The following ROBO2 variants were observed in gnomAD, a reference collection of about 807,000 sequenced individuals.
ROBO2 encodes the protein roundabout homolog 2.
ROBO2 carries 53 observed loss-of-function variants against 160.8 expected under a neutral mutation model. The ratio of observed to expected loss-of-function variants is 0.33; its 90% confidence interval spans 0.26 to 0.41. The LOEUF (loss-of-function observed/expected upper bound fraction) is 0.41, where lower values mean the gene tolerates loss of function less well. ROBO2 is among the 10% of genes least tolerant of loss of function. ROBO2 has a pLI of 1.00. For missense variants in ROBO2, 1,577 were observed against 1,722.4 expected (o/e 0.92, Z 1.49); for synonymous variants, 664 against 611.7 (o/e 1.09, Z -1.26).
intron 2 of ROBO2, among the ~76,000 whole-genome samples, chr3:75,986,003 C>T (rs927640703): frequency 2.6e-5 from 4 of 151,548 alleles, no homozygotes; most frequent in African/African-American, 4.8e-5. Flanking sequence ...TTGCTGTGAA[C>T]GTGTGTACAA....
intron 2 of ROBO2, among the ~76,000 whole-genome samples, chr3:76,428,842 A>T (rs901071271): frequency 1.3e-5 from 2 of 151,916 alleles, no homozygotes; most frequent in African/African-American, 4.8e-5. Context: ...ACCTTACTTA[A>T]CCCTTCTGAG....
intron 2 of ROBO2, among the ~76,000 whole-genome samples, chr3:76,260,432 A>G (rs1706671512): frequency 1.3e-5 from 2 of 152,150 alleles, no homozygotes; most frequent in Admixed American, 1.3e-4. Flanking sequence ...CAGAGGTCAA[A>G]TTTGAGGAAG....
intron 2 of ROBO2, among the ~76,000 whole-genome samples, chr3:76,316,862 G>A (rs4295175): frequency 0.76 from 115,058 of 152,096 alleles, 46,911 homozygotes; most frequent in Non-Finnish European, 0.92. Flanking sequence ...CAGTCCCTCC[G>A]TTCAGGGTCC....
At chr3:76,469,073 A>G (rs2078512393) in intron 2 of ROBO2, among the ~76,000 whole-genome samples, 1 of 151,980 alleles carries the variant, frequency 6.6e-6, no homozygotes, top group Admixed American at 6.6e-5. Flanking sequence ...TTACTTCTTT[A>G]TTAATGAATT....
intron 2 of ROBO2, among the ~76,000 whole-genome samples, chr3:76,560,625 A>G (rs899404153): frequency 2.0e-5 from 3 of 150,388 alleles, no homozygotes; most frequent in Non-Finnish European, 4.4e-5. Context: ...ACAAAAAAAA[A>G]AAAAAGAAAA....
intron 1 of ROBO2, chr3:77,092,163 A>C (rs904393794): frequency 6.6e-6 from 1 of 152,074 alleles, no homozygotes; most frequent in Non-Finnish European, 1.5e-5. Flanking sequence ...TAGAAAAAAA[A>C]AATCCCAGAT....
At chr3:77,291,073 G>A (rs1394419082) in intron 2 of ROBO2, among the ~76,000 whole-genome samples, 2 of 150,414 alleles carry the variant, frequency 1.3e-5, no homozygotes, top group African/African-American at 4.9e-5. Context: ...GATCACCCCA[G>A]ACGTAAAGTA....
At chr3:77,617,080 T>C (rs2094796355) in intron 21 of ROBO2, among the ~76,000 whole-genome samples, 1 of 152,030 alleles carries the variant, frequency 6.6e-6, no homozygotes, top group East Asian at 1.9e-4. Context: ...CAAGAACAAG[T>C]AAAATTCTCC....
At chr3:77,448,879 T>C (rs1185222457) in intron 2 of ROBO2, among the ~76,000 whole-genome samples, 1 of 151,752 alleles carries the variant, frequency 6.6e-6, no homozygotes, top group Non-Finnish European at 1.5e-5. Flanking sequence ...CACAACTCTA[T>C]GTGAAAAAAA....
At chr3:76,920,475 A>G (rs1167002) in intron 2 of ROBO2, among the ~76,000 whole-genome samples, 39,991 of 152,020 alleles carry the variant, frequency 0.26, 5,951 homozygotes, top group African/African-American at 0.4. Context: ...ACCTTTTCCT[A>G]GTCTGAATTT....
intron 2 of ROBO2, among the ~76,000 whole-genome samples, chr3:76,898,701 T>G (rs1316377837): frequency 6.6e-6 from 1 of 152,168 alleles, no homozygotes; most frequent in Non-Finnish European, 1.5e-5. Context: ...AGTTCAGTTA[T>G]TTTCCTTACG....
At chr3:76,353,424 G>A (rs978133949) in intron 2 of ROBO2, among the ~76,000 whole-genome samples, 10 of 151,854 alleles carry the variant, frequency 6.6e-5, no homozygotes, top group African/African-American at 2.4e-4. Flanking sequence ...CTAGTCTGTG[G>A]GGTAGAGGTA....
chr3:76,844,993 A>G (rs2068642654), intron 2 of ROBO2, among the ~76,000 whole-genome samples: 1 of 151,894 alleles, frequency 6.6e-6, no homozygotes, highest in South Asian at 2.1e-4. Context: ...ACTCTAAACT[A>G]TTTTCAGCCT....
chr3:76,772,145 G>C (rs1255667875), intron 2 of ROBO2, among the ~76,000 whole-genome samples: 1 of 151,226 alleles, frequency 6.6e-6, no homozygotes, highest in Non-Finnish European at 1.5e-5. Flanking sequence ...TGTGGGCTTT[G>C]TTTGTAAAAT....
intron 2 of ROBO2, among the ~76,000 whole-genome samples, chr3:76,796,423 A>T (rs1280251950): frequency 6.6e-6 from 1 of 151,658 alleles, no homozygotes; most frequent in Non-Finnish European, 1.5e-5. Flanking sequence ...GGAAGGAAAA[A>T]AAAAAGAAGG....
At chr3:76,761,383 T>A (rs571641516) in intron 2 of ROBO2, among the ~76,000 whole-genome samples, 81 of 151,854 alleles carry the variant, frequency 5.3e-4, no homozygotes, top group Non-Finnish European at 8.6e-4. Flanking sequence ...CCAGTTTGCC[T>A]GCGAGAGTCC....
At chr3:76,349,314 T>A (rs985844856) in intron 2 of ROBO2, among the ~76,000 whole-genome samples, 1 of 152,112 alleles carries the variant, frequency 6.6e-6, no homozygotes, top group African/African-American at 2.4e-5. Flanking sequence ...CCCAATTTTG[T>A]AATAAATAAT....
chr3:76,927,452 A>T (rs952991371), intron 2 of ROBO2, among the ~76,000 whole-genome samples: 2 of 152,158 alleles, frequency 1.3e-5, no homozygotes, highest in Non-Finnish European at 2.9e-5. Flanking sequence ...GCAGTGGAAA[A>T]CCTTATACAT....
At chr3:76,593,900 G>A (rs2108854970) in intron 2 of ROBO2, among the ~76,000 whole-genome samples, 1 of 152,054 alleles carries the variant, frequency 6.6e-6, no homozygotes, top group East Asian at 1.9e-4. Context: ...AAGAGAAACA[G>A]ATCTCAGTGA....
Sources: gnomAD v4.1 joint callset for allele counts (sites outside exome capture counted in the v4.1 genomes callset) on GRCh38, gnomAD v4.1.1 for gene constraint, MANE v1.5 for transcripts, NCBI Gene and HGNC (gene_info 2026-07-23, HGNC 2026-07-21) for gene names.